NELL2: variants seen among roughly 807,000 people sequenced by gnomAD.
The protein encoded by NELL2 is neural EGFL like 2.
NELL2 carries 41 observed loss-of-function variants against 109.6 expected under a neutral mutation model. The observed-to-expected ratio is 0.37, with a 90% confidence interval of 0.29 to 0.49. The LOEUF is 0.49. NELL2 is among the 20% of genes least tolerant of loss of function. The pLI is 0.98. For missense variants in NELL2, 900 were observed against 1,008.3 expected, an observed-to-expected ratio of 0.89 and a Z score of 1.45; for synonymous variants, 355 against 344.7, an observed-to-expected ratio of 1.03 and a Z score of -0.33.
chr12:44,900,005 A>T lies in NELL2; in HGVS notation c.38+13794T>A, dbSNP rs192978323. Among the ~76,000 whole-genome samples the T allele has an allele frequency of 1.5e-3, 235 of 152,292 alleles. 1 individual carries two copies. Among genetic ancestry groups the T allele is most frequent in the African/African-American group, 5.5e-3 (230 of 41,584 alleles). ...GACTTTAAACCAACAGAGATTAAAA[A>T]ACACAAAAAAGGGCATTACATAATG... On this transcript the variant is annotated intron_variant, in intron 1 of 20. Transcript: ENST00000333837.
chr12:44,523,445 T>A lies in NELL2; in HGVS notation c.1844A>T (p.Asn615Ile), dbSNP rs768156247. The A allele has an allele frequency of 6.2e-7, 1 of 1,613,902 alleles. No individual in the cohort carries two copies. The highest frequency in any genetic ancestry group is 1.7e-5 in the Admixed American group (1 of 60,000). The stretch of plus-strand genomic sequence containing the variant: ...ATCCAAATTGAAGCAAATGGTATCA[T>A]TGGCACAGCTGTGCCTCCCGGTCCC... ...ECGTGRHSCANDTICFNLDGG... is the reference protein window; with the variant it reads ...ECGTGRHSCAIDTICFNLDGG... Residue 615 changes from asparagine to isoleucine, a missense_variant, in exon 17 of 20, where the codon AAT (asparagine) becomes ATT (isoleucine). Coordinates refer to ENST00000429094, the MANE Select transcript of NELL2 (RefSeq NM_001145108.2).
At chr12:44,708,675 G>A (rs1000784836) in intron 11 of NELL2, among the ~76,000 whole-genome samples, 1 of 152,020 alleles carries the variant, frequency 6.6e-6, no homozygotes, top group African/African-American at 2.4e-5. Context: ...TAAAAATAGC[G>A]CTAAATATTT....
intron 15 of NELL2, among the ~76,000 whole-genome samples, chr12:44,576,780 G>A (rs558877777): frequency 2.0e-5 from 3 of 152,074 alleles, no homozygotes; most frequent in Admixed American, 6.5e-5. Context: ...CCACCTGTGA[G>A]TGAGAATATG....
chr12:44,742,720 A>G (rs972063507), intron 9 of NELL2, among the ~76,000 whole-genome samples: 2 of 152,242 alleles, frequency 1.3e-5, no homozygotes, highest in Non-Finnish European at 2.9e-5. Context: ...AGACAAAATG[A>G]ATGAAATGAA....
intron 13 of NELL2, among the ~76,000 whole-genome samples, chr12:44,625,830 T>C (rs1294835380): frequency 1.3e-5 from 2 of 152,164 alleles, no homozygotes; most frequent in African/African-American, 4.8e-5. Flanking sequence ...CACATGACCC[T>C]ATCTCACAAT....
chr12:44,601,974 C>G lies in NELL2; in HGVS notation c.1663+5195G>C, dbSNP rs116535641. 4.0e-3 allele frequency among the ~76,000 whole-genome samples: 605 copies of G among 152,132 alleles called. 3 individuals are homozygous for G. The highest frequency in any genetic ancestry group is 0.014 in the African/African-American group (587 of 41,510). On this transcript the variant is annotated intron_variant, in intron 15 of 19. Transcript: ENST00000429094. ...AACTGGGGTTTGGCATAACATTAAG[C>G]AATTAAAATCTTATTTAAAACAGAT...
In NELL2 at chr12:44,692,310, C is replaced by T. The variant is rs998601630; in HGVS notation, c.1318+11416G>A. Among the ~76,000 whole-genome samples, 7 of 152,230 alleles carry T rather than the reference C, an allele frequency of 4.6e-5. No homozygotes were observed. In the South Asian group the frequency reaches 1.2e-3, roughly 27 times the overall value. On this transcript the variant is annotated intron_variant, in intron 12 of 19. Transcript: ENST00000429094. The stretch of plus-strand genomic sequence containing the variant: ...GACAGCCGCACATCTGTTTATACCA[C>T]GTTTTACTAAAGATTTAAAGTCCAC...
chr12:44,758,120 C>T lies in NELL2; in HGVS notation c.994+16627G>A, dbSNP rs151204874. The stretch of plus-strand genomic sequence containing the variant: ...TATGAAAACTCATCACTGTTTTCAG[C>T]GTAATCTAAAGAGACTGTCCCAGCT... On this transcript the variant is annotated intron_variant, in intron 9 of 19. Transcript: ENST00000429094. 4.0e-4 allele frequency among the ~76,000 whole-genome samples: 61 copies of T among 152,048 alleles called. No homozygotes were observed. In the East Asian group the frequency reaches 0.011, roughly 27 times the overall value.
intron 9 of NELL2, among the ~76,000 whole-genome samples, chr12:44,745,949 T>G (rs1940321949): frequency 6.6e-6 from 1 of 152,162 alleles, no homozygotes; most frequent in African/African-American, 2.4e-5. Flanking sequence ...AAAAACTGCT[T>G]TAAAGTTCAT....
At chr12:44,900,786 C>T (rs559430733) in intron 1 of NELL2, among the ~76,000 whole-genome samples, 17 of 152,100 alleles carry the variant, frequency 1.1e-4, no homozygotes, top group African/African-American at 3.1e-4. Flanking sequence ...GTCAAGAGAT[C>T]GAGACCTTCC....
chr12:44,702,753 T>C (rs1949266438), intron 12 of NELL2, among the ~76,000 whole-genome samples: 1 of 152,168 alleles, frequency 6.6e-6, no homozygotes, highest in Admixed American at 6.6e-5. Context: ...ATCAGTAGCA[T>C]TTAAAGAAAT....
intron 9 of NELL2, among the ~76,000 whole-genome samples, chr12:44,735,142 G>C (rs144211837): frequency 1.5e-4 from 23 of 152,102 alleles, no homozygotes; most frequent in African/African-American, 5.5e-4. Context: ...CCTGTTCCTT[G>C]AAGATATACT....
At chr12:44,709,613 T>C (rs2136431977) in intron 11 of NELL2, among the ~76,000 whole-genome samples, 1 of 152,308 alleles carries the variant, frequency 6.6e-6, no homozygotes, top group East Asian at 1.9e-4. Flanking sequence ...GATAGTTTTT[T>C]TGCAGAAATA....
At chr12:44,677,092 TAAAGGA>T (rs767289154) in intron 12 of NELL2, among the ~76,000 whole-genome samples, 33 of 152,056 alleles carry the variant, frequency 2.2e-4, no homozygotes, top group Admixed American at 7.9e-4. Context: ...AGCATAGGAC[TAAAGGA>T]AAAGTAGCCA....
chr12:44,571,788 C>A lies in NELL2; in HGVS notation c.1663+35381G>T, dbSNP rs996358124. 2.6e-5 allele frequency among the ~76,000 whole-genome samples: 4 copies of A among 152,144 alleles called. No homozygotes were observed. The South Asian group carries it at 8.3e-4, about 31-fold the overall frequency. ...CCATGACGATAAGATAAATAAACTG[C>A]ACAATAATTTGACTATAGAACTTCA... On this transcript the variant is annotated intron_variant, in intron 15 of 19. Transcript: ENST00000429094.
intron 2 of NELL2, among the ~76,000 whole-genome samples, chr12:44,821,101 A>G (rs1439786831): frequency 6.6e-6 from 1 of 152,046 alleles, no homozygotes; most frequent in Non-Finnish European, 1.5e-5. Flanking sequence ...TGCACATATG[A>G]TACTATACAA....
At chr12:44,830,807 G>A (rs1221423691) in intron 2 of NELL2, among the ~76,000 whole-genome samples, 1 of 151,848 alleles carries the variant, frequency 6.6e-6, no homozygotes, top group Non-Finnish European at 1.5e-5. Context: ...TTCCCAGCCT[G>A]GAACTCTACA....
In NELL2 at chr12:44,603,642, C is replaced by T. The variant is rs12227198; in HGVS notation, c.1663+3527G>A. On this transcript the variant is annotated intron_variant, in intron 15 of 19. Transcript: ENST00000429094. ...TAAAAATGAAGTTATGCTGTACATGCGGGTGATTTTATACAGTGGCTAAAA... is the reference window on the plus strand; with the variant it reads ...TAAAAATGAAGTTATGCTGTACATGTGGGTGATTTTATACAGTGGCTAAAA... Among the ~76,000 whole-genome samples the T allele has an allele frequency of 3.0e-3, 455 of 152,160 alleles. 4 individuals are homozygous for T. The highest frequency in any genetic ancestry group is 0.026 in the East Asian group (137 of 5,178).
At chr12:44,642,170 G>GC (rs1365793140) in intron 13 of NELL2, among the ~76,000 whole-genome samples, 31 of 152,242 alleles carry the variant, frequency 2.0e-4, no homozygotes, top group South Asian at 1.0e-3. Flanking sequence ...GTGAGCAGGT[G>GC]CAATGTGCTG....
Sources: gnomAD v4.1 joint callset for allele counts (sites outside exome capture counted in the v4.1 genomes callset) on GRCh38, gnomAD v4.1.1 for gene constraint, MANE v1.5 for transcripts, NCBI Gene and HGNC (gene_info 2026-07-23, HGNC 2026-07-21) for gene names.